The following ZBTB21 variants were observed in gnomAD, a reference collection of about 807,000 sequenced individuals.
ZBTB21 encodes zinc finger and BTB domain containing 21, also known as zinc finger and BTB domain-containing protein 21.
A neutral mutation model predicts 39.8 loss-of-function variants in ZBTB21; 10 were observed. That is an observed-to-expected ratio of 0.25 (90% CI 0.16 to 0.43). The LOEUF (loss-of-function observed/expected upper bound fraction) is 0.43, where lower values mean the gene tolerates loss of function less well. Ranked by LOEUF, ZBTB21 falls within the 20% of genes least tolerant of loss-of-function variation. The pLI is 1.00. For synonymous variants in ZBTB21, 551 were observed against 498.8 expected, an observed-to-expected ratio of 1.10 and a Z score of -1.40; for missense variants, 1,221 against 1,296.3, an observed-to-expected ratio of 0.94 and a Z score of 0.89.
rs1208651823 is a variant in ZBTB21, at chr21:41,988,360, A to T, written c.*2535T>A. 2 of 152,254 alleles carry T rather than the reference A, an allele frequency of 1.3e-5. No homozygotes were observed. The highest frequency in any genetic ancestry group is 4.8e-5 in the African/African-American group (2 of 41,478). 9.4% of individuals were successfully genotyped at this position (152,254 alleles called of 1,614,324 possible). ...TCAAAATTAATTACAATCCTAAAAT[A>T]TATTTACATGAATATCTTCACTAGC... is the stretch of plus-strand genomic sequence containing the variant. On this transcript the variant is annotated 3_prime_UTR_variant, in exon 3 of 3. Transcript: ENST00000310826.
rs1177476611 is a variant in ZBTB21, at chr21:41,992,466, T to A, written c.1630A>T (p.Lys544Ter). 2 of 1,613,948 alleles carry A rather than the reference T, an allele frequency of 1.2e-6. No individual in the cohort carries two copies. The highest frequency in any genetic ancestry group is 3.3e-5 in the Admixed American group (2 of 59,956). The part of the protein sequence containing the change: ...FGELEGTRPN[K>*]KFKCKHCLKI... ...AGGCAATGTTTGCATTTAAATTTTT[T>A]GTTTGGTCTCGTCCCCTCCAACTCA... The change falls in exon 3 of 3, where the codon AAA (lysine) becomes TAA (stop). Residue 544 changes from lysine (K) to a stop codon, truncating the protein, a stop_gained. Coordinates refer to ENST00000310826, the MANE Select transcript of ZBTB21 (RefSeq NM_001098402.2). LOFTEE classifies it high-confidence loss of function. The surrounding 1 kb of genome is among the most constrained non-coding windows in gnomAD (Gnocchi z 4.1).
rs569260733 is a variant in ZBTB21, at chr21:41,991,381, T to C, written c.2715A>G (p.Glu905=). 1 of 1,606,614 alleles carries C rather than the reference T, an allele frequency of 6.2e-7. No homozygotes were observed. Among genetic ancestry groups the C allele is most frequent in the African/African-American group, 1.3e-5 (1 of 74,550 alleles). The change falls in exon 3 of 3, where the codon GAA becomes GAG. Residue 905 remains glutamate, a synonymous_variant. Transcript: ENST00000310826. This position sits in a 1 kb window ranked among gnomAD's most constrained non-coding sequence, Gnocchi z 4.9. ...TAPKEAGPSK[E]ASLWPCEKCG... is the part of the protein sequence containing the mutation. ...ACTTCTCGCAGGGCCACAGGCTGGCTTCTTTGCTAGGACCCGCTTCTTTGG... is the reference window on the plus strand; with the variant it reads ...ACTTCTCGCAGGGCCACAGGCTGGCCTCTTTGCTAGGACCCGCTTCTTTGG...
intron 2 of ZBTB21, among the ~76,000 whole-genome samples, chr21:41,996,011 T>A (rs1004161731): frequency 1.3e-5 from 2 of 152,344 alleles, no homozygotes; most frequent in African/African-American, 4.8e-5. Flanking sequence ...TGAGAACACC[T>A]GTATATCCAG....
rs1213634931 is a variant in ZBTB21 at position 41,988,205 on chromosome 21, A to T, written c.*2690T>A. On this transcript the variant is annotated 3_prime_UTR_variant, in exon 3 of 3. Coordinates refer to ENST00000310826, the MANE Select transcript of ZBTB21 (RefSeq NM_001098402.2). ...TTTTATGTTACTCCTTCCTTCTCCC[A>T]CATAAACGATTCAGTATCAAGTTCT... 1 of 30,600 alleles carries T rather than the reference A, an allele frequency of 3.3e-5. No homozygotes were observed. Among genetic ancestry groups the T allele is most frequent in the Non-Finnish European group, 9.8e-5 (1 of 10,206 alleles). The allele number at this position is 30,600 out of a possible 1,614,324, so 1.9% of individuals were successfully genotyped here.
At position 41,990,711 on chromosome 21, in the gene ZBTB21, G is replaced by A; in HGVS notation, c.*184C>T. ...GGTCCAGAACCACAATATTTTAAAA[G>A]CTGTATTTCTAAAGTTAAGGACATT... On this transcript the variant is annotated 3_prime_UTR_variant, in exon 3 of 3. Transcript: ENST00000310826. 2.0e-6 allele frequency: 1 copy of A among 502,748 alleles called. No homozygotes were observed. Among genetic ancestry groups the A allele is most frequent in the Non-Finnish European group, 3.2e-6 (1 of 308,946 alleles). The allele number at this position is 502,748 out of a possible 1,614,324, so 31.1% of individuals were successfully genotyped here. A position where few individuals can be genotyped will look rare whatever the true frequency, so the allele number is the denominator to read the frequency against.
chr21:41,993,035 G>A lies in ZBTB21; in HGVS notation c.1061C>T (p.Ser354Leu). 6.2e-7 allele frequency: 1 copy of A among 1,614,198 alleles called. No individual in the cohort carries two copies. Among genetic ancestry groups the A allele is most frequent in the Non-Finnish European group, 8.5e-7 (1 of 1,180,034 alleles). ...GGAAGATTTCAAATCTATGGAAGGT[G>A]AATAGACAGGAACCTGGCTATCCAT... ...LSMDSQVPVY[S>L]PSIDLKSSQG... Residue 354 changes from serine to leucine, a missense_variant, in exon 3 of 3, where the codon TCA (serine) becomes TTA (leucine). Physicochemically the swap from Ser to Leu is moderately radical, Grantham distance 145. Around this residue, in one of 4 missense-constraint regions of ZBTB21, gnomAD observed 500 missense variants for 465.6 expected, o/e 1.07. Transcript: ENST00000310826.
rs1569098880 is a variant in ZBTB21, at chr21:41,989,827, T to C, written c.*1068A>G. On this transcript the variant is annotated 3_prime_UTR_variant, in exon 3 of 3. Coordinates refer to ENST00000310826, the MANE Select transcript of ZBTB21 (RefSeq NM_001098402.2). ...GTATATATTGTTCTTGGAAAGCATGTTGAAACTGCAGTGAGGTGTTTCTCC... is the reference window on the plus strand; with the variant it reads ...GTATATATTGTTCTTGGAAAGCATGCTGAAACTGCAGTGAGGTGTTTCTCC... 6.6e-6 allele frequency: 1 copy of C among 152,196 alleles called. No individual in the cohort carries two copies. The highest frequency in any genetic ancestry group is 6.5e-5 in the Admixed American group (1 of 15,282). The allele number at this position is 152,196 out of a possible 1,614,324, so 9.4% of individuals were successfully genotyped here. A position where few individuals can be genotyped will look rare whatever the true frequency, so the allele number is the denominator to read the frequency against.
rs200509586 is a variant in ZBTB21, at chr21:41,992,677, GTCA to G, written c.1416_1418del (p.Asp473del). ...CTGGGAGTCTGCTCATGTCTTTTTG[GTCA>G]TCTTCTGTTTTCAGAGACAGGTCTC... On this transcript the variant is annotated inframe_deletion, in exon 3 of 3. Transcript: ENST00000310826. This position sits in a 1 kb window ranked among gnomAD's most constrained non-coding sequence, Gnocchi z 4.1. 3,367 of 1,614,028 alleles carry G rather than the reference GTCA, an allele frequency of 2.1e-3. 45 individuals carry two copies. In the Admixed American group the frequency reaches 0.03, roughly 15 times the overall value.
chr21:42,008,636 C>T (rs2065915017), intron 1 of ZBTB21, among the ~76,000 whole-genome samples: 1 of 151,248 alleles, frequency 6.6e-6, no homozygotes, highest in Admixed American at 6.6e-5. Context: ...CTTAACTTAA[C>T]CCCAATTTTG....
intron 2 of ZBTB21, among the ~76,000 whole-genome samples, chr21:41,996,328 G>A (rs1157190910): frequency 6.6e-6 from 1 of 152,220 alleles, no homozygotes; most frequent in Non-Finnish European, 1.5e-5. Flanking sequence ...CTAAGACCAT[G>A]GGAGCCCACC....
intron 2 of ZBTB21, among the ~76,000 whole-genome samples, chr21:41,998,662 C>T (rs1270817843): frequency 6.6e-6 from 1 of 152,150 alleles, no homozygotes; most frequent in Non-Finnish European, 1.5e-5. Flanking sequence ...CTCTTCTGGC[C>T]TTTGCTGGTT....
chr21:41,992,886 G>C lies in ZBTB21; in HGVS notation c.1210C>G (p.Pro404Ala). The C allele has an allele frequency of 1.2e-6, 2 of 1,614,234 alleles. No homozygotes were observed. Among genetic ancestry groups the C allele is most frequent in the Non-Finnish European group, 1.7e-6 (2 of 1,180,048 alleles). ...ALDDRPQVLQ[P>A]HRLRSFSASQ... ...GCACTAAAGGACCTGAGGCGATGCG[G>C]TTGTAGCACTTGAGGCCTGTCATCT... is the stretch of plus-strand genomic sequence containing the variant. The change falls in exon 3 of 3, where the codon CCG (proline) becomes GCG (alanine). Residue 404 changes from proline (P) to alanine (A), a missense_variant. By Grantham distance (27) the Pro-to-Ala change is conservative. Coordinates refer to ENST00000310826, the MANE Select transcript of ZBTB21 (RefSeq NM_001098402.2). The surrounding 1 kb of genome is among the most constrained non-coding windows in gnomAD (Gnocchi z 4.1).
intron 1 of ZBTB21, among the ~76,000 whole-genome samples, chr21:42,006,717 C>T (rs2146344945): frequency 1.3e-5 from 2 of 152,318 alleles, no homozygotes; most frequent in Middle Eastern, 3.4e-3. Context: ...ACTTAGCCTC[C>T]AGTACCTGGA....
chr21:41,995,533 T>C (rs2065734725), intron 2 of ZBTB21, among the ~76,000 whole-genome samples: 1 of 152,230 alleles, frequency 6.6e-6, no homozygotes, highest in African/African-American at 2.4e-5. Flanking sequence ...GTTAGAGGCA[T>C]TAAGTTTTAT....
Position 42,010,351 on chromosome 21 carries a change from A to C in ZBTB21, c.-178T>G. ...GCCGCTGTGATTCCATCCATCTTGA[A>C]TTTGACGTCATCCCACACCAGGGAT... On this transcript the variant is annotated 5_prime_UTR_variant, in exon 1 of 3. Transcript: ENST00000310826. 1 of 368,734 alleles carries C rather than the reference A, an allele frequency of 2.7e-6. No individual in the cohort carries two copies. The highest frequency in any genetic ancestry group is 4.8e-6 in the Non-Finnish European group (1 of 208,232). The allele number at this position is 368,734 out of a possible 1,614,324, so 22.8% of individuals were successfully genotyped here.
Position 41,993,531 on chromosome 21 carries a change from G to A in ZBTB21, c.565C>T (p.Pro189Ser), listed in dbSNP as rs773278764. Residue 189 changes from proline to serine, a missense_variant, in exon 3 of 3, where the codon CCA becomes TCA. Pro to Ser is a moderately conservative substitution (Grantham distance 74). Coordinates refer to ENST00000310826, the MANE Select transcript of ZBTB21 (RefSeq NM_001098402.2). ...GGTTCTATTGGTTTTGGGACATGTG[G>A]CTTATTGGTATTGGCCTTGACTGCA... is the stretch of plus-strand genomic sequence containing the variant. ...SIAVKANTNK[P>S]HVPKPIEPLH... 12 of 1,614,210 alleles carry A rather than the reference G, an allele frequency of 7.4e-6. No homozygotes were observed. In the South Asian group the frequency reaches 1.2e-4, roughly 16 times the overall value.
intron 2 of ZBTB21, among the ~76,000 whole-genome samples, chr21:41,996,225 C>T (rs469359): frequency 0.63 from 96,542 of 152,112 alleles, 32,173 homozygotes; most frequent in African/African-American, 0.78. Flanking sequence ...GCTGGCACTG[C>T]GTGCCTGCAA....
intron 1 of ZBTB21, among the ~76,000 whole-genome samples, chr21:42,003,649 T>C (rs984666023): frequency 6.6e-6 from 1 of 152,214 alleles, no homozygotes; most frequent in Non-Finnish European, 1.5e-5. Context: ...TTAGAGCATT[T>C]TGGACTTTTG....
Position 41,987,008 on chromosome 21 carries a change from A to G in ZBTB21, c.*3887T>C, listed in dbSNP as rs1408510793. ...TATTCCTAAGTAAAATGGAAAAATG[A>G]CTTACTCTGCTAAGGCATATGACAA... On this transcript the variant is annotated 3_prime_UTR_variant, in exon 3 of 3. Transcript: ENST00000310826. The G allele has an allele frequency of 6.6e-6, 1 of 152,664 alleles. No individual in the cohort carries two copies. Among genetic ancestry groups the G allele is most frequent in the Non-Finnish European group, 1.5e-5 (1 of 68,034 alleles). 9.5% of individuals were successfully genotyped at this position (152,664 alleles called of 1,614,324 possible). A position where few individuals can be genotyped will look rare whatever the true frequency, so the allele number is the denominator to read the frequency against.
Sources: gnomAD v4.1 joint callset for allele counts (sites outside exome capture counted in the v4.1 genomes callset) on GRCh38, gnomAD v4.1.1 for gene constraint, gnomAD v4.1.1 regional missense constraint, Gnocchi (gnomAD v3.1) non-coding constraint, MANE v1.5 for transcripts, NCBI Gene and HGNC (gene_info 2026-07-23, HGNC 2026-07-21) for gene names.